PIK3CB: variants seen among roughly 807,000 people sequenced by gnomAD.
The protein encoded by PIK3CB is phosphatidylinositol 4,5-bisphosphate 3-kinase catalytic subunit beta isoform.
PIK3CB carries 39 observed loss-of-function variants against 136.8 expected under a neutral mutation model. That is an observed-to-expected ratio of 0.29 (90% CI 0.22 to 0.37). The LOEUF (loss-of-function observed/expected upper bound fraction) is 0.37, where lower values mean the gene tolerates loss of function less well. Ranked by LOEUF, PIK3CB falls within the 10% of genes least tolerant of loss-of-function variation. The pLI is 1.00. For missense variants in PIK3CB, 868 were observed against 1,275.4 expected, an observed-to-expected ratio of 0.68 and a Z score of 4.87; for synonymous variants, 428 against 436.6, an observed-to-expected ratio of 0.98 and a Z score of 0.25.
chr3:138,786,668 T>C (rs2045984899), intron 2 of PIK3CB, among the ~76,000 whole-genome samples: 1 of 152,200 alleles, frequency 6.6e-6, no homozygotes, highest in South Asian at 2.1e-4. Flanking sequence ...TTAAATACTA[T>C]AAGTTTTATA....
intron 21 of PIK3CB, 143 bp downstream of exon 21, chr3:138,663,763 G>A (rs2043349917): frequency 5.5e-6 from 4 of 731,684 alleles, no homozygotes; most frequent in Non-Finnish European, 9.0e-6. Context: ...TATATGAAAC[G>A]AGAGGTAGTG....
At chr3:138,748,490 T>G (rs573647316) in intron 4 of PIK3CB, among the ~76,000 whole-genome samples, 4 of 152,314 alleles carry the variant, frequency 2.6e-5, no homozygotes, top group Admixed American at 2.6e-4. Context: ...ATCTGAGTGG[T>G]CTTTGTTTAT....
At chr3:138,719,741 T>C (rs988619727) in intron 8 of PIK3CB, among the ~76,000 whole-genome samples, 21 of 152,142 alleles carry the variant, frequency 1.4e-4, no homozygotes, top group African/African-American at 4.8e-4. Flanking sequence ...CTCTGTATCA[T>C]CTCCAGAGAA....
chr3:138,747,369 G>A (rs1204098649), intron 4 of PIK3CB, among the ~76,000 whole-genome samples: 1 of 151,776 alleles, frequency 6.6e-6, no homozygotes, highest in Non-Finnish European at 1.5e-5. Context: ...CCTTTTTACT[G>A]CAATATGCAA....
At chr3:138,713,757 T>C (rs2044553548) in intron 9 of PIK3CB, among the ~76,000 whole-genome samples, 1 of 152,100 alleles carries the variant, frequency 6.6e-6, no homozygotes, top group African/African-American at 2.4e-5. Context: ...TTAATGTCCC[T>C]ATCCCCACCA....
At chr3:138,695,378 T>G (rs1163744412) in intron 13 of PIK3CB, among the ~76,000 whole-genome samples, 1 of 152,190 alleles carries the variant, frequency 6.6e-6, no homozygotes, top group Non-Finnish European at 1.5e-5. Context: ...TTGCTCAAAG[T>G]CATACTGGGA....
rs7634015 is a variant in PIK3CB, at chr3:138,654,028, G to A, written c.*1361C>T. 0.025 allele frequency: 4,866 copies of A among 195,702 alleles called. 251 individuals are homozygous for A. Among genetic ancestry groups the A allele is most frequent in the African/African-American group, 0.11 (4,603 of 43,272 alleles). 12.1% of individuals were successfully genotyped at this position (195,702 alleles called of 1,614,324 possible). A position where few individuals can be genotyped will look rare whatever the true frequency, so the allele number is the denominator to read the frequency against. The stretch of plus-strand genomic sequence containing the variant: ...AAGAAGAGGCTCACCCATTCCAAGA[G>A]CAGCCGAAACCAGCTCACTCATTTA... On this transcript the variant is annotated 3_prime_UTR_variant, in exon 24 of 24. Transcript: ENST00000674063.
chr3:138,685,820 T>G (rs2108492220), intron 16 of PIK3CB, among the ~76,000 whole-genome samples: 1 of 152,090 alleles, frequency 6.6e-6, no homozygotes, highest in South Asian at 2.1e-4. Flanking sequence ...AATGGCCAAC[T>G]AAATCAAAAC....
At chr3:138,756,434 TTTTAA>T (rs1287789094) in intron 3 of PIK3CB, among the ~76,000 whole-genome samples, 2 of 152,050 alleles carry the variant, frequency 1.3e-5, no homozygotes, top group Non-Finnish European at 1.5e-5. Flanking sequence ...CAAAAAAAAA[TTTTAA>T]TTTAAAGTAT....
At chr3:138,705,878 G>C (rs1559829370) in intron 11 of PIK3CB, among the ~76,000 whole-genome samples, 1 of 152,088 alleles carries the variant, frequency 6.6e-6, no homozygotes, top group Non-Finnish European at 1.5e-5. Context: ...TCAGTCTCCA[G>C]AGTAGCTAGG....
At chr3:138,785,144 TGGG>T (rs1247643008) in intron 2 of PIK3CB, among the ~76,000 whole-genome samples, 1 of 146,720 alleles carries the variant, frequency 6.8e-6, no homozygotes, top group African/African-American at 2.5e-5. Flanking sequence ...GGGAGGGAGA[TGGG>T]GGGCAGCCCC....
At chr3:138,804,848 C>T (rs1225888696) in intron 1 of PIK3CB, among the ~76,000 whole-genome samples, 1 of 151,796 alleles carries the variant, frequency 6.6e-6, no homozygotes, top group Non-Finnish European at 1.5e-5. Context: ...CATGGTGAAA[C>T]CCCGTCTCTA....
chr3:138,756,535 G>A (rs1267200420), intron 3 of PIK3CB, among the ~76,000 whole-genome samples: 1 of 152,090 alleles, frequency 6.6e-6, no homozygotes, highest in African/African-American at 2.4e-5. Context: ...ACACTGTCCT[G>A]TCAGAATGAT....
At chr3:138,826,362 A>C in intron 1 of PIK3CB, 2 of 1,572,146 alleles carry the variant, frequency 1.3e-6, no homozygotes, top group Non-Finnish European at 1.7e-6. Flanking sequence ...CCTGAGTCTT[A>C]ATCAGTGGTG....
intron 1 of PIK3CB, among the ~76,000 whole-genome samples, chr3:138,813,813 C>A (rs2108878802): frequency 6.6e-6 from 1 of 152,288 alleles, no homozygotes; most frequent in Non-Finnish European, 1.5e-5. Context: ...GAGATGATTT[C>A]TCATCCTCAG....
At chr3:138,664,167 G>C in intron 20 of PIK3CB, 138 bp from the exon 21 acceptor site, 1 of 977,326 alleles carries the variant, frequency 1.0e-6, no homozygotes, top group Non-Finnish European at 1.5e-6. Context: ...GAGAACATGT[G>C]GATCAGCCAA....
chr3:138,778,078 C>A, intron 2 of PIK3CB: 1 of 337,658 alleles, frequency 3.0e-6, no homozygotes. Context: ...CCACCAAAAT[C>A]AAATTGGGTG....
intron 19 of PIK3CB, among the ~76,000 whole-genome samples, chr3:138,669,713 T>C (rs1375631109): frequency 1.3e-5 from 2 of 152,142 alleles, no homozygotes; most frequent in African/African-American, 2.4e-5. Flanking sequence ...TGGAACGTCA[T>C]AGAAAAATGA....
At chr3:138,833,121 C>T (rs1269473567) in intron 1 of PIK3CB, among the ~76,000 whole-genome samples, 1 of 149,226 alleles carries the variant, frequency 6.7e-6, no homozygotes, top group Non-Finnish European at 1.5e-5. Context: ...GGCTGGAGTC[C>T]AGTGGTGCCA....
Sources: allele counts gnomAD v4.1 joint callset (sites outside exome capture counted in the v4.1 genomes callset), GRCh38; gene constraint gnomAD v4.1.1; transcripts MANE v1.5; gene names NCBI Gene and HGNC (gene_info 2026-07-23, HGNC 2026-07-21).